DHRS2: variants seen among roughly 807,000 people sequenced by gnomAD.
DHRS2 encodes dehydrogenase/reductase 2.
In DHRS2, 29 loss-of-function variants were observed where a neutral mutation model predicts 26.3. That is an observed-to-expected ratio of 1.10 (90% confidence interval 0.82 to 1.50). The LOEUF is 1.50. Ranked by LOEUF, DHRS2 falls within the 40% of genes most tolerant of loss-of-function variation. The probability of loss-of-function intolerance (pLI) is 0.00; values close to 1 mark genes in which losing one functional copy is unlikely to be tolerated. For missense variants in DHRS2, 439 were observed against 367.1 expected, an observed-to-expected ratio of 1.20 and a Z score of -1.60; for synonymous variants, 164 against 151.3, an observed-to-expected ratio of 1.08 and a Z score of -0.62.
chr14:23,637,278 G>C (rs745656821), intron 1 of DHRS2, among the ~76,000 whole-genome samples: 20 of 152,126 alleles, frequency 1.3e-4, no homozygotes, highest in Non-Finnish European at 1.5e-4. Flanking sequence ...ATGATTTCTA[G>C]TAAAAATTTC....
intron 4 of DHRS2, chr14:23,642,161 C>G: frequency 2.5e-5 from 26 of 1,027,458 alleles, no homozygotes; most frequent in Non-Finnish European, 2.8e-5. Context: ...TGTTGTGTCT[C>G]CCTGTTTGTA....
At chr14:23,637,285 T>C (rs1243397254) in intron 1 of DHRS2, among the ~76,000 whole-genome samples, 1 of 152,204 alleles carries the variant, frequency 6.6e-6, no homozygotes, top group Non-Finnish European at 1.5e-5. Flanking sequence ...CTAGTAAAAA[T>C]TTCAGGACTC....
Position 23,636,600 on chromosome 14 carries a change from A to C in DHRS2, c.-211A>C, listed in dbSNP as rs184132403. On this transcript the variant is annotated 5_prime_UTR_variant, in exon 1 of 9. Coordinates refer to ENST00000250383, the MANE Select transcript of DHRS2 (RefSeq NM_005794.4). ...GTAATACTCACCGCAAGGGTCTGCA[A>C]CTTCATTCTTGAAGTCAGTGAGGCC... 1 of 152,196 alleles carries C rather than the reference A, an allele frequency of 6.6e-6. No individual in the cohort carries two copies. Among genetic ancestry groups the C allele is most frequent in the East Asian group, 1.9e-4 (1 of 5,156 alleles). The allele number at this position is 152,196 out of a possible 1,614,324, so 9.4% of individuals were successfully genotyped here.
At chr14:23,639,388 AG>A (rs1226556499) in intron 3 of DHRS2, 32 bp downstream of exon 3, 2 of 1,543,934 alleles carry the variant, frequency 1.3e-6, no homozygotes, top group Non-Finnish European at 1.7e-6. Flanking sequence ...GGACACAGAG[AG>A]GGGAACATGC....
chr14:23,640,056 G>T (rs911251839), intron 4 of DHRS2, 161 bp downstream of exon 4: 1 of 711,230 alleles, frequency 1.4e-6, no homozygotes, highest in Non-Finnish European at 2.0e-6. Context: ...CCCAAAATGT[G>T]CCCGGATGCT....
In DHRS2 at chr14:23,644,441, G is replaced by A. The variant is rs186440699; in HGVS notation, c.573G>A (p.Ala191=). Residue 191 remains alanine (A), a synonymous_variant, in exon 7 of 9, where the codon GCG becomes GCA. Transcript: ENST00000250383. ...GTGTCTACAATGTCAGCAAGACAGC[G>A]CTGCTGGGTCTCACTAGAACACTGG... The part of the protein sequence containing the change: ...ALGVYNVSKT[A]LLGLTRTLAL... 5.0e-5 allele frequency: 81 copies of A among 1,614,166 alleles called. No homozygotes were observed. The highest frequency in any genetic ancestry group is 6.7e-5 in the East Asian group (3 of 44,884).
intron 7 of DHRS2, 67 bp downstream of exon 7, chr14:23,644,610 G>A: frequency 1.2e-6 from 2 of 1,609,932 alleles, no homozygotes; most frequent in South Asian, 2.2e-5. Flanking sequence ...GTGAATAAGG[G>A]ATCAAGGGGT....
At chr14:23,640,276 GGAA>G (rs1379944866) in intron 4 of DHRS2, 56 of 987,754 alleles carry the variant, frequency 5.7e-5, no homozygotes, top group Non-Finnish European at 6.1e-5. Flanking sequence ...CTTTTGTAGG[GGAA>G]GATACGGATA....
At chr14:23,644,313 G>T (rs576290560) in intron 6 of DHRS2, 96 bp from the exon 7 acceptor site, 1 of 1,576,450 alleles carries the variant, frequency 6.3e-7, no homozygotes, top group Admixed American at 1.7e-5. Context: ...GGGTGGGAGG[G>T]CTGCTGGGCC....
intron 4 of DHRS2, chr14:23,641,532 G>C (rs1309087116): frequency 6.9e-6 from 8 of 1,166,712 alleles, no homozygotes; most frequent in Non-Finnish European, 8.8e-6. Context: ...CTGAGTCCAG[G>C]AGGGGTCTTA....
chr14:23,637,566 T>C (rs1890385790), intron 1 of DHRS2, among the ~76,000 whole-genome samples: 1 of 152,152 alleles, frequency 6.6e-6, no homozygotes, highest in Admixed American at 6.5e-5. Flanking sequence ...GCATAACATC[T>C]TTATAGGACA....
intron 4 of DHRS2, 67 bp downstream of exon 4, chr14:23,639,962 C>A: frequency 3.1e-6 from 4 of 1,304,826 alleles, no homozygotes; most frequent in Admixed American, 3.2e-5. Context: ...CTCCAGCATG[C>A]CTGTGCCCAC....
chr14:23,644,169 G>T lies in DHRS2; in HGVS notation c.540+7G>T. The T allele has an allele frequency of 1.2e-6, 2 of 1,614,132 alleles. No individual in the cohort carries two copies. Among genetic ancestry groups the T allele is most frequent in the Non-Finnish European group, 8.5e-7 (1 of 1,179,994 alleles). On this transcript the variant is annotated splice_region_variant and intron_variant, in intron 6 of 8. Transcript: ENST00000250383. ...AGCTTATAATCCAGTAGTGGTAAGT[G>T]CTTGGTCCTTGTGCTCCTGAGTGGT...
upstream of DHRS2, among the ~76,000 whole-genome samples, chr14:23,634,453 CT>C (rs1890210833): frequency 6.6e-6 from 1 of 152,074 alleles, no homozygotes; most frequent in Non-Finnish European, 1.5e-5. Context: ...GATCACTGCC[CT>C]GCATTTCTCT....
At chr14:23,640,465 A>G (rs1365250700) in intron 4 of DHRS2, 1 of 984,696 alleles carries the variant, frequency 1.0e-6, no homozygotes. Context: ...TACCTTGTCC[A>G]CAAGGGACCG....
At position 23,639,024 on chromosome 14, in the gene DHRS2, T is replaced by C. The variant is rs965913400; in HGVS notation, c.140+20T>C. The C allele has an allele frequency of 2.2e-5, 35 of 1,611,404 alleles. No individual in the cohort carries two copies. The highest frequency in any genetic ancestry group is 2.6e-5 in the Non-Finnish European group (31 of 1,179,372). ...CAGTGGGTGAGTGCTGGATTGCCCA[T>C]GGGTCCTGGCCCCTCACAGGGTCCT... On this transcript the variant is annotated intron_variant, in intron 2 of 8. Transcript: ENST00000250383.
intron 4 of DHRS2, chr14:23,640,178 G>C: frequency 1.2e-6 from 1 of 851,986 alleles, no homozygotes; most frequent in Non-Finnish European, 1.5e-6. Flanking sequence ...TGTCTGCCAG[G>C]CACCACTATT....
upstream of DHRS2, among the ~76,000 whole-genome samples, chr14:23,631,911 G>A (rs767713965): frequency 6.6e-6 from 1 of 152,212 alleles, no homozygotes; most frequent in Non-Finnish European, 1.5e-5. Context: ...GGAGACAGAG[G>A]AGGCCTGACT....
At chr14:23,641,576 G>A in intron 4 of DHRS2, 2 of 1,283,106 alleles carry the variant, frequency 1.6e-6, no homozygotes, top group Non-Finnish European at 1.0e-6. Context: ...TGCACATGGA[G>A]TATTGGACAG....
Sources: gnomAD v4.1 joint callset for allele counts (sites outside exome capture counted in the v4.1 genomes callset) on GRCh38, gnomAD v4.1.1 for gene constraint, MANE v1.5 for transcripts, NCBI Gene and HGNC (gene_info 2026-07-23, HGNC 2026-07-21) for gene names.